CCDC141: variants seen among roughly 807,000 people sequenced by gnomAD.
CCDC141 encodes the protein coiled-coil domain-containing protein 141.
In CCDC141, 168 loss-of-function variants were observed where a neutral mutation model predicts 181.0. The observed-to-expected ratio is 0.93, with a 90% CI of 0.82 to 1.05. The LOEUF (loss-of-function observed/expected upper bound fraction) is 1.05. CCDC141 is among the 50% of genes least tolerant of loss of function. CCDC141 has a pLI of 0.00. For missense variants in CCDC141, 1,902 were observed against 1,788.5 expected (o/e 1.06, Z -1.14); for synonymous variants, 666 against 642.3 (o/e 1.04, Z -0.56).
intron 2 of CCDC141, among the ~76,000 whole-genome samples, chr2:178,993,634 A>G (rs1258179493): frequency 1.3e-5 from 2 of 152,130 alleles, no homozygotes; most frequent in Non-Finnish European, 2.9e-5. Context: ...TTGAAAACCA[A>G]TCATGCCTTC....
At chr2:178,927,676 G>T (rs75152785) in intron 6 of CCDC141, among the ~76,000 whole-genome samples, 2,118 of 152,102 alleles carry the variant, frequency 0.014, 52 homozygotes, top group African/African-American at 0.049. Context: ...AGTTATCCAG[G>T]CAAAAAAGGA....
At chr2:178,862,660 G>T (rs10187266) in intron 17 of CCDC141, among the ~76,000 whole-genome samples, 9,683 of 152,222 alleles carry the variant, frequency 0.064, 559 homozygotes, top group South Asian at 0.16. Flanking sequence ...AAGTCTGGCA[G>T]TCTGAAGATT....
intron 2 of CCDC141, among the ~76,000 whole-genome samples, chr2:178,984,587 C>G (rs1170804472): frequency 2.5e-4 from 37 of 149,728 alleles, no homozygotes; most frequent in African/African-American, 9.0e-4. Flanking sequence ...CGTGCAGAGA[C>G]ACACATAGGC....
chr2:178,916,078 A>G (rs1397873108), intron 7 of CCDC141, among the ~76,000 whole-genome samples: 1 of 152,064 alleles, frequency 6.6e-6, no homozygotes, highest in Non-Finnish European at 1.5e-5. Context: ...TGTTAGCTTG[A>G]ATGTAGGGTA....
chr2:178,861,503 G>A (rs1416311338), intron 17 of CCDC141, among the ~76,000 whole-genome samples: 1 of 152,002 alleles, frequency 6.6e-6, no homozygotes, highest in Non-Finnish European at 1.5e-5. Flanking sequence ...GGGCATGGTG[G>A]TGCATGCCTG....
intron 4 of CCDC141, among the ~76,000 whole-genome samples, chr2:178,968,333 G>A (rs1172433288): frequency 6.6e-6 from 1 of 152,034 alleles, no homozygotes; most frequent in East Asian, 1.9e-4. Flanking sequence ...CCACATAATT[G>A]GAAGTAAAAT....
chr2:178,872,416 C>A, intron 12 of CCDC141, 104 bp from the exon 13 acceptor site: 1 of 1,106,256 alleles, frequency 9.0e-7, no homozygotes, highest in Non-Finnish European at 1.3e-6. Flanking sequence ...ACAACCAAAG[C>A]CGAAGATGGT....
At chr2:178,897,100 A>G (rs1393453321) in intron 8 of CCDC141, among the ~76,000 whole-genome samples, 1 of 152,030 alleles carries the variant, frequency 6.6e-6, no homozygotes, top group African/African-American at 2.4e-5. Context: ...TCTGACTACA[A>G]TGTCTAAAAT....
intron 16 of CCDC141, among the ~76,000 whole-genome samples, chr2:178,867,443 TA>T (rs1490452193): frequency 6.6e-6 from 1 of 152,208 alleles, no homozygotes; most frequent in African/African-American, 2.4e-5. Context: ...GTAAGTAATA[TA>T]AAAAATACTA....
At chr2:178,902,630 T>G (rs1687757040) in intron 8 of CCDC141, among the ~76,000 whole-genome samples, 2 of 152,054 alleles carry the variant, frequency 1.3e-5, no homozygotes. Context: ...GACTTAAACG[T>G]TACACCTAAA....
At chr2:178,966,222 A>T (rs926545440) in intron 4 of CCDC141, among the ~76,000 whole-genome samples, 11 of 152,340 alleles carry the variant, frequency 7.2e-5, no homozygotes, top group Non-Finnish European at 1.0e-4. Context: ...TGCCTGACAG[A>T]TCTGAAGGGA....
chr2:179,036,026 T>A (rs1458792890), intron 2 of CCDC141, among the ~76,000 whole-genome samples: 1 of 150,854 alleles, frequency 6.6e-6, no homozygotes, highest in Non-Finnish European at 1.5e-5. Context: ...ACACCTCTCT[T>A]TTTTGCCCAC....
chr2:178,985,556 T>C (rs1691684156), intron 2 of CCDC141, among the ~76,000 whole-genome samples: 1 of 150,910 alleles, frequency 6.6e-6, no homozygotes, highest in African/African-American at 2.4e-5. Context: ...TCAACAAAAT[T>C]GATAGACTGC....
At chr2:179,015,569 C>CAT (rs1559050128) in intron 2 of CCDC141, among the ~76,000 whole-genome samples, 5 of 46,642 alleles carry the variant, frequency 1.1e-4, no homozygotes, top group African/African-American at 3.0e-4. Context: ...ATATATATCT[C>CAT]ATATATCTCA....
At position 178,837,357 on chromosome 2, in the gene CCDC141, C is replaced by G. The variant is rs1436919791; in HGVS notation, c.3862G>C (p.Glu1288Gln). 2 of 1,613,970 alleles carry G rather than the reference C, an allele frequency of 1.2e-6. No individual in the cohort carries two copies. Among genetic ancestry groups the G allele is most frequent in the Non-Finnish European group, 1.7e-6 (2 of 1,179,994 alleles). ...GCTTTGAACTGGAGGTAAGGCCTCT[C>G]AAAATGACTTGAAAATGTTTCTCTC... ...DKRETFSSHF[E>Q]RPYLQFKAEP... is the part of the protein sequence containing the mutation. The change falls in exon 23 of 24, where the codon GAG becomes CAG. Residue 1288 changes from glutamate (E) to glutamine (Q), a missense_variant. Physicochemically the swap from Glu to Gln is conservative, Grantham distance 29. Transcript: ENST00000443758.
At chr2:178,886,511 C>A (rs1370669733) in intron 10 of CCDC141, among the ~76,000 whole-genome samples, 1 of 152,030 alleles carries the variant, frequency 6.6e-6, no homozygotes, top group African/African-American at 2.4e-5. Context: ...AAAAGGGAAC[C>A]AAATGAGTGT....
At chr2:178,971,355 T>C (rs1690878971) in intron 4 of CCDC141, among the ~76,000 whole-genome samples, 2 of 152,040 alleles carry the variant, frequency 1.3e-5, no homozygotes, top group South Asian at 4.1e-4. Context: ...GAAATGCAAA[T>C]CAAAACCACA....
chr2:178,973,097 T>C (rs1447342631), intron 4 of CCDC141, among the ~76,000 whole-genome samples: 2 of 152,170 alleles, frequency 1.3e-5, no homozygotes, highest in Non-Finnish European at 2.9e-5. Flanking sequence ...GTAATAGATA[T>C]GAAGCACTCA....
the CCDC141 span, chr2:178,817,670 T>G: frequency 4.9e-6 from 2 of 406,962 alleles, no homozygotes; most frequent in Non-Finnish European, 1.0e-5. Flanking sequence ...ACGTTAGAAT[T>G]TTGCTTCATA....
Sources: gnomAD v4.1 joint callset for allele counts (sites outside exome capture counted in the v4.1 genomes callset) on GRCh38, gnomAD v4.1.1 for gene constraint, MANE v1.5 for transcripts, NCBI Gene and HGNC (gene_info 2026-07-23, HGNC 2026-07-21) for gene names.